Variants in CCSER1 observed in about 807,000 individuals in gnomAD.
The protein encoded by CCSER1 is coiled-coil serine rich protein 1, also known as serine-rich coiled-coil domain-containing protein 1.
A neutral mutation model predicts 82.0 loss-of-function variants in CCSER1; 41 were observed. That is an observed-to-expected ratio of 0.50 (90% CI 0.39 to 0.65). The LOEUF is 0.65. CCSER1 is among the 30% of genes least tolerant of loss of function. The pLI, the probability that CCSER1 is intolerant of heterozygous loss-of-function variation, is 0.00. For synonymous variants in CCSER1, 414 were observed against 383.9 expected, an observed-to-expected ratio of 1.08 and a Z score of -0.92; for missense variants, 1,119 against 1,064.2, an observed-to-expected ratio of 1.05 and a Z score of -0.72.
intron 9 of CCSER1, among the ~76,000 whole-genome samples, chr4:91,042,339 A>G (rs528407169): frequency 1.9e-3 from 289 of 152,270 alleles, no homozygotes; most frequent in Non-Finnish European, 2.9e-3. Context: ...CCAGGATTGT[A>G]AGTTTCCTGA....
At chr4:90,449,281 T>A (rs1761112995) in intron 4 of CCSER1, among the ~76,000 whole-genome samples, 1 of 152,140 alleles carries the variant, frequency 6.6e-6, no homozygotes, top group Admixed American at 6.5e-5. Context: ...AGTCTGGGGT[T>A]TTTATGGACT....
At chr4:91,319,728 T>C (rs375974958) in intron 10 of CCSER1, 3 of 455,676 alleles carry the variant, frequency 6.6e-6, no homozygotes, top group South Asian at 1.5e-5. Flanking sequence ...TCTATAGCAC[T>C]GGGAGGCAGA....
chr4:90,669,521 G>A (rs1560918407), intron 6 of CCSER1, among the ~76,000 whole-genome samples: 1 of 152,052 alleles, frequency 6.6e-6, no homozygotes, highest in Non-Finnish European at 1.5e-5. Flanking sequence ...CTATTTTAAA[G>A]TAAACATTAT....
intron 10 of CCSER1, among the ~76,000 whole-genome samples, chr4:91,221,529 G>A (rs1052582684): frequency 5.3e-5 from 8 of 151,118 alleles, no homozygotes; most frequent in South Asian, 2.1e-4. Flanking sequence ...TAATATTTGT[G>A]TATTTTCAAT....
intron 10 of CCSER1, among the ~76,000 whole-genome samples, chr4:91,540,544 AGTTTTTAATTT>A (rs1761534578): frequency 6.6e-6 from 1 of 152,076 alleles, no homozygotes; most frequent in South Asian, 2.1e-4. Context: ...GCAAAGCAAA[AGTTTTTAATTT>A]TAATGAAGAC....
chr4:90,229,073 C>G (rs183815644), intron 1 of CCSER1, among the ~76,000 whole-genome samples: 13 of 152,074 alleles, frequency 8.5e-5, no homozygotes, highest in African/African-American at 2.9e-4. Context: ...GAGAACTTCC[C>G]CAATCTAGCA....
intron 1 of CCSER1, among the ~76,000 whole-genome samples, chr4:90,130,870 C>T (rs1722705880): frequency 6.6e-6 from 1 of 152,110 alleles, no homozygotes; most frequent in Non-Finnish European, 1.5e-5. Context: ...GATCAACCCG[C>T]CTCGGCCTCC....
intron 7 of CCSER1, among the ~76,000 whole-genome samples, chr4:90,725,490 T>C (rs1329808167): frequency 1.1e-4 from 17 of 151,532 alleles, no homozygotes; most frequent in Admixed American, 1.1e-3. Context: ...AACATAGTTA[T>C]AGTGACTTTT....
chr4:91,257,472 T>TACACACACACAC (rs34423543), intron 10 of CCSER1, among the ~76,000 whole-genome samples: 49 of 149,000 alleles, frequency 3.3e-4, no homozygotes, highest in African/African-American at 1.1e-3. Context: ...AATACATACC[T>TACACACACACAC]ACACACACAC....
chr4:91,466,290 A>G (rs556962126), intron 10 of CCSER1, among the ~76,000 whole-genome samples: 1 of 152,344 alleles, frequency 6.6e-6, no homozygotes, highest in Admixed American at 6.5e-5. Flanking sequence ...AAGGCCTTTG[A>G]CAAAATTCAA....
intron 10 of CCSER1, among the ~76,000 whole-genome samples, chr4:91,398,615 A>C (rs1752135281): frequency 6.6e-6 from 1 of 152,030 alleles, no homozygotes. Context: ...AGTGTAGGGG[A>C]AATTAAATGC....
chr4:90,797,897 C>T (rs60630308), intron 7 of CCSER1, among the ~76,000 whole-genome samples: 1 of 152,144 alleles, frequency 6.6e-6, no homozygotes, highest in Non-Finnish European at 1.5e-5. Context: ...CTCTAGCTCC[C>T]TTTAACATTT....
chr4:90,422,878 C>G (rs931298400), intron 4 of CCSER1, among the ~76,000 whole-genome samples: 7 of 152,176 alleles, frequency 4.6e-5, no homozygotes, highest in African/African-American at 1.7e-4. Flanking sequence ...ACACTCTCAA[C>G]AGCCTCAAAA....
intron 10 of CCSER1, among the ~76,000 whole-genome samples, chr4:91,471,360 T>A (rs1578548579): frequency 6.6e-6 from 1 of 152,254 alleles, no homozygotes; most frequent in South Asian, 2.1e-4. Context: ...TCTACCCAAA[T>A]GAATTGCTGG....
At chr4:91,247,399 C>T in intron 10 of CCSER1, among the ~76,000 whole-genome samples, 1 of 151,750 alleles carries the variant, frequency 6.6e-6, no homozygotes, top group Non-Finnish European at 1.5e-5. Flanking sequence ...GATCCTGGAA[C>T]AATCCAGGTA....
At chr4:90,769,931 C>T (rs546325698) in intron 7 of CCSER1, among the ~76,000 whole-genome samples, 56 of 152,118 alleles carry the variant, frequency 3.7e-4, no homozygotes, top group African/African-American at 1.3e-3. Flanking sequence ...TCATATAATC[C>T]CCATTTTTTG....
At chr4:91,457,555 A>G (rs1756256164) in intron 10 of CCSER1, among the ~76,000 whole-genome samples, 1 of 152,134 alleles carries the variant, frequency 6.6e-6, no homozygotes, top group African/African-American at 2.4e-5. Context: ...CTTTAGTCTC[A>G]GCTACTTGAG....
intron 10 of CCSER1, among the ~76,000 whole-genome samples, chr4:91,413,174 A>T (rs1268331690): frequency 6.6e-6 from 1 of 152,106 alleles, no homozygotes; most frequent in Non-Finnish European, 1.5e-5. Context: ...CAGGCATGGT[A>T]GCTCACTCCT....
chr4:90,449,062 T>C (rs918980069), intron 4 of CCSER1, among the ~76,000 whole-genome samples: 1 of 152,144 alleles, frequency 6.6e-6, no homozygotes, highest in Admixed American at 6.5e-5. Context: ...AGCTCTCAGC[T>C]AGGAGGGAAA....
Sources: allele counts gnomAD v4.1 joint callset (sites outside exome capture counted in the v4.1 genomes callset), GRCh38; gene constraint gnomAD v4.1.1; transcripts MANE v1.5; gene names NCBI Gene and HGNC (gene_info 2026-07-23, HGNC 2026-07-21).